EML6: variants seen among roughly 807,000 people sequenced by gnomAD.
EML6 encodes EMAP like 6.
Under a neutral mutation model 240.1 loss-of-function variants are expected in EML6, and 154 were observed. That is an observed-to-expected ratio of 0.64 (90% CI 0.56 to 0.73). The LOEUF (loss-of-function observed/expected upper bound fraction) is 0.73, where lower values mean the gene tolerates loss of function less well. EML6 is among the 30% of genes least tolerant of loss of function. The pLI is 0.00. For synonymous variants in EML6, 1,148 were observed against 899.0 expected, an observed-to-expected ratio of 1.28 and a Z score of -4.95; for missense variants, 2,964 against 2,474.6, an observed-to-expected ratio of 1.20 and a Z score of -4.20.
chr2:54,946,111 C>G (rs916938714), intron 28 of EML6, among the ~76,000 whole-genome samples: 1 of 152,218 alleles, frequency 6.6e-6, no homozygotes, highest in Admixed American at 6.5e-5. Flanking sequence ...CACCCTCTCT[C>G]CTGATTATCC....
rs1225100509 is a variant in EML6, at chr2:54,959,213, A to T, written c.4805A>T (p.Tyr1602Phe). 6.4e-7 allele frequency: 1 copy of T among 1,551,478 alleles called. No homozygotes were observed. The highest frequency in any genetic ancestry group is 2.4e-5 in the East Asian group (1 of 40,894). ...CACACAGGCCCCGTGTTCACAATGT[A>T]CACAACCCTTCGGGATGGACTCATA... ...KAHTGPVFTM[Y>F]TTLRDGLIVT... The change falls in exon 34 of 42, where the codon TAC (tyrosine) becomes TTC (phenylalanine). Residue 1602 changes from tyrosine (Y) to phenylalanine (F), a missense_variant. Physicochemically the swap from Tyr to Phe is conservative, Grantham distance 22. Coordinates refer to ENST00000356458, the MANE Select transcript of EML6 (RefSeq NM_001039753.4).
chr2:54,954,032 C>G lies in EML6; in HGVS notation c.4362C>G (p.Leu1454=). 1.3e-6 allele frequency: 2 copies of G among 1,552,076 alleles called. No individual in the cohort carries two copies. ...GGGACGCCATGACCAAACACACCCTCTCCATGCTGCGGTGCTTCCACTCCA... is the reference window on the plus strand; with the variant it reads ...GGGACGCCATGACCAAACACACCCTGTCCATGCTGCGGTGCTTCCACTCCA... ...HIWDAMTKHT[L]SMLRCFHSKG... The change falls in exon 32 of 42, where the codon CTC becomes CTG. Residue 1454 remains leucine (L), a synonymous_variant. Transcript: ENST00000356458.
chr2:54,880,323 C>G (rs1200540732), intron 17 of EML6: 1 of 152,166 alleles, frequency 6.6e-6, no homozygotes, highest in Non-Finnish European at 1.5e-5. Flanking sequence ...AATTTGTTGC[C>G]GAGGCGTGTT....
At chr2:54,836,660 C>T (rs1410060964) in intron 7 of EML6, among the ~76,000 whole-genome samples, 2 of 152,248 alleles carry the variant, frequency 1.3e-5, no homozygotes, top group East Asian at 3.9e-4. Flanking sequence ...GGTCCCCTGG[C>T]AGGGAGGCTT....
At chr2:54,960,375 G>C (rs566889173) in intron 35 of EML6, 41 bp downstream of exon 35, 2 of 1,465,148 alleles carry the variant, frequency 1.4e-6, no homozygotes, top group Non-Finnish European at 1.9e-6. Context: ...GCCAGGGAAG[G>C]GGGAAGTGTA....
chr2:54,806,362 C>A (rs1390661206), intron 2 of EML6, among the ~76,000 whole-genome samples: 1 of 152,006 alleles, frequency 6.6e-6, no homozygotes, highest in Non-Finnish European at 1.5e-5. Flanking sequence ...CTTGTAATCC[C>A]AGCATTTTGG....
At chr2:54,853,346 G>A (rs547451962) in intron 10 of EML6, among the ~76,000 whole-genome samples, 6 of 152,238 alleles carry the variant, frequency 3.9e-5, no homozygotes, top group African/African-American at 1.4e-4. Context: ...ATACATTCAT[G>A]TGTTTATTGG....
intron 17 of EML6, chr2:54,882,451 G>C (rs1423495904): frequency 1.3e-5 from 2 of 152,008 alleles, no homozygotes; most frequent in Non-Finnish European, 2.9e-5. Context: ...ATTTGTGCTT[G>C]TGTTACTCTG....
chr2:54,808,348 T>G (rs1199630003), intron 2 of EML6, among the ~76,000 whole-genome samples: 1 of 152,132 alleles, frequency 6.6e-6, no homozygotes, highest in Non-Finnish European at 1.5e-5. Flanking sequence ...TCCACTGAGG[T>G]TGGGTCACTC....
chr2:54,777,221 G>C (rs1312149980), intron 2 of EML6, among the ~76,000 whole-genome samples: 2 of 152,100 alleles, frequency 1.3e-5, no homozygotes, highest in African/African-American at 2.4e-5. Context: ...TAAGGTTTTA[G>C]CATGGAGCCA....
At chr2:54,812,161 A>G (rs866770295) in intron 2 of EML6, among the ~76,000 whole-genome samples, 1 of 152,200 alleles carries the variant, frequency 6.6e-6, no homozygotes, top group African/African-American at 2.4e-5. Context: ...TAGATTGACT[A>G]TATCATCTAT....
chr2:54,894,936 G>A lies in EML6; in HGVS notation c.2764G>A (p.Asp922Asn). 1 of 1,551,204 alleles carries A rather than the reference G, an allele frequency of 6.4e-7. No individual in the cohort carries two copies. Residue 922 changes from aspartate (D) to asparagine (N), a missense_variant, in exon 20 of 42, where the codon GAC becomes AAC. Asp to Asn is a conservative substitution (Grantham distance 23). Coordinates refer to ENST00000356458, the MANE Select transcript of EML6 (RefSeq NM_001039753.4). ...ACAGGGCTTTGTAACAGGTGGAAAG[G>A]ACGGCATCGTGGAGCTCTGGGATGA... ...LDKGFVTGGK[D>N]GIVELWDDMF...
At chr2:54,841,739 C>A (rs369033377) in intron 7 of EML6, among the ~76,000 whole-genome samples, 8 of 151,920 alleles carry the variant, frequency 5.3e-5, no homozygotes, top group Non-Finnish European at 1.0e-4. Flanking sequence ...AATACAGGTG[C>A]GTGCTACCAT....
intron 25 of EML6, among the ~76,000 whole-genome samples, chr2:54,914,786 A>C (rs1031190128): frequency 6.0e-5 from 9 of 150,244 alleles, no homozygotes; most frequent in African/African-American, 2.2e-4. Flanking sequence ...CAAAGAAGCA[A>C]TTTTTTTTTT....
At chr2:54,911,830 G>T (rs1439053886) in intron 25 of EML6, among the ~76,000 whole-genome samples, 1 of 152,118 alleles carries the variant, frequency 6.6e-6, no homozygotes, top group Admixed American at 6.5e-5. Flanking sequence ...CATGTCCTTA[G>T]CTACATACAC....
chr2:54,967,024 C>A lies in EML6; in HGVS notation c.5518C>A (p.Gln1840Lys). Reference sequence around the variant, plus strand: ...GGTGTCAACAGGTGCCTATAAGCGCCAGGTGCATGAGGTCCCCCTGGGGAA... The same window carrying A: ...GGTGTCAACAGGTGCCTATAAGCGCAAGGTGCATGAGGTCCCCCTGGGGAA... ...IQVSTGAYKRQVHEVPLGKQV... is the reference protein window; with the variant it reads ...IQVSTGAYKRKVHEVPLGKQV... Residue 1840 changes from glutamine (Q) to lysine (K), a missense_variant, in exon 39 of 42, where the codon CAG (glutamine) becomes AAG (lysine). Gln to Lys is a moderately conservative substitution (Grantham distance 53, BLOSUM62 1). Transcript: ENST00000356458. 1.3e-6 allele frequency: 2 copies of A among 1,551,328 alleles called. No homozygotes were observed. The highest frequency in any genetic ancestry group is 1.7e-6 in the Non-Finnish European group (2 of 1,146,766).
At chr2:54,797,950 G>C (rs1278204834) in intron 2 of EML6, among the ~76,000 whole-genome samples, 2 of 151,944 alleles carry the variant, frequency 1.3e-5, no homozygotes, top group Admixed American at 6.5e-5. Flanking sequence ...TGTTTTTCAA[G>C]GTTTTAGTTT....
At chr2:54,764,328 C>T (rs4671974) in intron 2 of EML6, among the ~76,000 whole-genome samples, 33,929 of 151,992 alleles carry the variant, frequency 0.22, 3,977 homozygotes, top group African/African-American at 0.31. Context: ...AAATGAGAGC[C>T]ATTTAAAGTA....
intron 28 of EML6, among the ~76,000 whole-genome samples, chr2:54,940,043 TC>T (rs1675349998): frequency 6.6e-6 from 1 of 152,224 alleles, no homozygotes; most frequent in East Asian, 1.9e-4. Context: ...TGGCATATGT[TC>T]CTTAGGAAAC....
Sources: gnomAD v4.1 joint callset for allele counts (sites outside exome capture counted in the v4.1 genomes callset) on GRCh38, gnomAD v4.1.1 for gene constraint, MANE v1.5 for transcripts, NCBI Gene and HGNC (gene_info 2026-07-23, HGNC 2026-07-21) for gene names.